FSTL5: variants seen among roughly 807,000 people sequenced by gnomAD.
FSTL5 encodes the protein follistatin like 5, also known as follistatin-related protein 5.
Under a neutral mutation model 89.1 loss-of-function variants are expected in FSTL5, and 62 were observed. That is an observed-to-expected ratio of 0.70 (90% CI 0.57 to 0.86). The LOEUF (loss-of-function observed/expected upper bound fraction) is 0.86, where lower values mean the gene tolerates loss of function less well. Ranked by LOEUF, FSTL5 falls within the 40% of genes least tolerant of loss-of-function variation. The pLI is 0.00. For synonymous variants in FSTL5, 383 were observed against 346.2 expected (o/e 1.11, Z -1.18); for missense variants, 1,057 against 1,001.6 (o/e 1.06, Z -0.75).
chr4:161,886,429 T>G (rs13138569), intron 4 of FSTL5, among the ~76,000 whole-genome samples: 69,436 of 152,060 alleles, frequency 0.46, 16,298 homozygotes, highest in Middle Eastern at 0.58. Flanking sequence ...ACTACTGTAA[T>G]TTTCAGAAGC....
intron 15 of FSTL5, among the ~76,000 whole-genome samples, chr4:161,449,874 T>A (rs961003946): frequency 6.6e-6 from 1 of 152,192 alleles, no homozygotes; most frequent in South Asian, 2.1e-4. Context: ...GGTGAAGATA[T>A]CTTGCTGTTA....
At chr4:161,592,882 C>A (rs528474265) in intron 7 of FSTL5, among the ~76,000 whole-genome samples, 2 of 152,170 alleles carry the variant, frequency 1.3e-5, no homozygotes, top group Non-Finnish European at 2.9e-5. Flanking sequence ...AATTTACACT[C>A]CCACCAACAC....
chr4:161,719,081 A>C (rs1039774307), intron 6 of FSTL5, among the ~76,000 whole-genome samples: 3 of 152,182 alleles, frequency 2.0e-5, no homozygotes, highest in Non-Finnish European at 4.4e-5. Context: ...CATCTAACAA[A>C]ATTCTGAAAT....
intron 3 of FSTL5, among the ~76,000 whole-genome samples, chr4:162,026,304 C>CTTTGTTTTTTTTTTTTTTTTTT (rs1737281523): frequency 2.5e-5 from 2 of 79,474 alleles, no homozygotes; most frequent in African/African-American, 4.9e-5. Flanking sequence ...TATGTATTTT[C>CTTTGTTTTTTTTTTTTTTTTTT]TTTTTTTTTT....
intron 4 of FSTL5, among the ~76,000 whole-genome samples, chr4:161,915,492 C>T (rs1346855960): frequency 6.6e-6 from 1 of 151,994 alleles, no homozygotes; most frequent in Non-Finnish European, 1.5e-5. Context: ...ATATATAAAA[C>T]ATCTATCATA....
At chr4:161,437,141 T>C (rs1732584400) in intron 15 of FSTL5, among the ~76,000 whole-genome samples, 1 of 151,886 alleles carries the variant, frequency 6.6e-6, no homozygotes, top group South Asian at 2.1e-4. Context: ...GCAAGGCTAG[T>C]GGAAGAGATA....
chr4:162,112,022 C>A (rs1186991617), intron 1 of FSTL5, among the ~76,000 whole-genome samples: 4 of 152,116 alleles, frequency 2.6e-5, no homozygotes, highest in Non-Finnish European at 5.9e-5. Flanking sequence ...AGTTTTATGT[C>A]TACTTCAGCC....
chr4:161,639,260 T>C (rs1016318687), intron 7 of FSTL5, among the ~76,000 whole-genome samples: 29 of 152,142 alleles, frequency 1.9e-4, no homozygotes, highest in African/African-American at 7.0e-4. Context: ...GAAAGCTAAC[T>C]GTAATTAAAG....
chr4:161,670,137 A>G (rs1021326287), intron 6 of FSTL5, among the ~76,000 whole-genome samples: 1 of 152,208 alleles, frequency 6.6e-6, no homozygotes, highest in African/African-American at 2.4e-5. Context: ...AAGTTTTGGT[A>G]TTTTCACTTA....
intron 7 of FSTL5, among the ~76,000 whole-genome samples, chr4:161,598,541 C>T (rs1377311217): frequency 6.6e-6 from 1 of 152,054 alleles, no homozygotes; most frequent in South Asian, 2.1e-4. Flanking sequence ...CAAGACTCAT[C>T]TACAAGATTA....
chr4:161,853,772 T>C (rs1014980839), intron 4 of FSTL5, among the ~76,000 whole-genome samples: 2 of 152,146 alleles, frequency 1.3e-5, no homozygotes, highest in African/African-American at 4.8e-5. Flanking sequence ...GTACAACTGA[T>C]TTCAGATGTC....
At chr4:162,085,732 G>A (rs528382628) in intron 2 of FSTL5, among the ~76,000 whole-genome samples, 5 of 151,912 alleles carry the variant, frequency 3.3e-5, no homozygotes, top group Non-Finnish European at 5.9e-5. Context: ...TCATTTCCTC[G>A]TCATGGTAGC....
intron 4 of FSTL5, among the ~76,000 whole-genome samples, chr4:161,813,997 G>GA (rs1022506367): frequency 3.3e-5 from 5 of 151,766 alleles, no homozygotes; most frequent in Admixed American, 6.6e-5. Context: ...ATTCAAAGAT[G>GA]AAAAAAATCA....
chr4:161,847,075 A>C (rs952343949), intron 4 of FSTL5, among the ~76,000 whole-genome samples: 6 of 152,154 alleles, frequency 3.9e-5, no homozygotes, highest in African/African-American at 1.4e-4. Flanking sequence ...ATAGTATTTA[A>C]AACTGAGAAA....
chr4:161,840,829 C>T (rs535782975), intron 4 of FSTL5, among the ~76,000 whole-genome samples: 27 of 152,076 alleles, frequency 1.8e-4, no homozygotes, highest in Non-Finnish European at 3.4e-4. Context: ...TGAGAAGCTG[C>T]CTTTTCGTCT....
intron 4 of FSTL5, among the ~76,000 whole-genome samples, chr4:161,821,514 A>G (rs1396079353): frequency 6.6e-6 from 1 of 152,136 alleles, no homozygotes; most frequent in East Asian, 1.9e-4. Flanking sequence ...TGGTGCACCC[A>G]TCACCCAAGC....
intron 4 of FSTL5, among the ~76,000 whole-genome samples, chr4:161,809,145 G>A (rs545207625): frequency 2.6e-5 from 4 of 152,160 alleles, no homozygotes; most frequent in Admixed American, 2.6e-4. Flanking sequence ...CGTGAACCCG[G>A]GAGGCGGAGC....
chr4:162,154,117 T>TAATCTC (rs1733376558), intron 1 of FSTL5, among the ~76,000 whole-genome samples: 2 of 152,052 alleles, frequency 1.3e-5, no homozygotes, highest in Non-Finnish European at 2.9e-5. Flanking sequence ...AAAATAGCTA[T>TAATCTC]AATCTCAATA....
intron 14 of FSTL5, 94 bp downstream of exon 14, chr4:161,459,118 G>GAAAAATATCATGGTTAAATGATC (rs2126409240): frequency 1.1e-6 from 1 of 881,988 alleles, no homozygotes; most frequent in Non-Finnish European, 1.8e-6. Context: ...TCCTCAGATG[G>GAAAAATATCATGGTTAAATGATC]AAAAATATCA....
Sources: allele counts gnomAD v4.1 joint callset (sites outside exome capture counted in the v4.1 genomes callset), GRCh38; gene constraint gnomAD v4.1.1; transcripts MANE v1.5; gene names NCBI Gene and HGNC (gene_info 2026-07-23, HGNC 2026-07-21).